The following PDLIM7 variants were observed in gnomAD, a reference collection of about 807,000 sequenced individuals.
PDLIM7 encodes PDZ and LIM domain 7.
Under a neutral mutation model 53.9 loss-of-function variants are expected in PDLIM7, and 37 were observed. The ratio of observed to expected loss-of-function variants is 0.69; its 90% CI spans 0.53 to 0.90. The LOEUF (loss-of-function observed/expected upper bound fraction) is 0.90. Ranked by LOEUF, PDLIM7 falls within the 40% of genes least tolerant of loss-of-function variation. PDLIM7 has a pLI of 0.00. For synonymous variants in PDLIM7, 300 were observed against 261.3 expected (o/e 1.15, Z -1.43); for missense variants, 617 against 638.5 (o/e 0.97, Z 0.36).
At position 177,492,464 on chromosome 5, in the gene PDLIM7, G is replaced by A. The variant is rs371730966; in HGVS notation, c.249-29C>T. On this transcript the variant is annotated intron_variant, in intron 3 of 12. Coordinates refer to ENST00000355841, the MANE Select transcript of PDLIM7 (RefSeq NM_005451.5). ...GAGGAGAAGGAAAGCGTGACAGCGG[G>A]CCGGGCCCGCAGGGATCCCCACTGC... 1.6e-5 allele frequency: 26 copies of A among 1,613,530 alleles called. No homozygotes were observed. The African/African-American group carries it at 2.5e-4, about 16-fold the overall frequency.
Position 177,491,858 on chromosome 5 carries a change from G to C in PDLIM7, c.347C>G (p.Ala116Gly). Residue 116 changes from alanine to glycine, a missense_variant, in exon 5 of 13, where the codon GCC becomes GGC. Physicochemically the swap from Ala to Gly is moderately conservative, Grantham distance 60. Coordinates refer to ENST00000355841, the MANE Select transcript of PDLIM7 (RefSeq NM_005451.5). ...FAPSVSLNKTARPFGAPPPAD... is the reference protein window; with the variant it reads ...FAPSVSLNKTGRPFGAPPPAD... ...GGGCGGGGGCGCCCCAAAGGGCCGGGCCGTCTTGTTGAGGGAGACGCTGGG... is the reference window on the plus strand; with the variant it reads ...GGGCGGGGGCGCCCCAAAGGGCCGGCCCGTCTTGTTGAGGGAGACGCTGGG... 2 of 1,281,142 alleles carry C rather than the reference G, an allele frequency of 1.6e-6. No individual in the cohort carries two copies. Among genetic ancestry groups the C allele is most frequent in the Non-Finnish European group, 2.0e-6 (2 of 1,010,440 alleles). 79.4% of individuals were successfully genotyped at this position (1,281,142 alleles called of 1,614,324 possible). A position where few individuals can be genotyped will look rare whatever the true frequency, so the allele number is the denominator to read the frequency against.
chr5:177,495,513 C>T (rs1759026741), intron 2 of PDLIM7, among the ~76,000 whole-genome samples: 1 of 152,228 alleles, frequency 6.6e-6, no homozygotes, highest in African/African-American at 2.4e-5. Context: ...TGGCCTCACC[C>T]ACTCTGGGCA....
At chr5:177,488,924 G>A (rs1758596431) in intron 9 of PDLIM7, among the ~76,000 whole-genome samples, 2 of 151,816 alleles carry the variant, frequency 1.3e-5, no homozygotes, top group South Asian at 4.1e-4. Context: ...AGAGATGAGA[G>A]CAGGCCAGGC....
chr5:177,496,314 G>T, intron 2 of PDLIM7, 103 bp downstream of exon 2: 1 of 801,582 alleles, frequency 1.2e-6, no homozygotes, highest in Non-Finnish European at 1.9e-6. Context: ...CTCCTGGCCT[G>T]CTGGCCCCTG....
intron 9 of PDLIM7, among the ~76,000 whole-genome samples, chr5:177,488,856 C>T (rs1057029271): frequency 2.0e-5 from 3 of 151,208 alleles, no homozygotes; most frequent in South Asian, 2.1e-4. Context: ...CGCCACTGCA[C>T]GCCAACGTGG....
In PDLIM7 at chr5:177,491,030, T is replaced by C. The variant is rs771303211; in HGVS notation, c.515A>G (p.His172Arg). The change falls in exon 6 of 13, where the codon CAC becomes CGC. Residue 172 changes from histidine (H) to arginine (R), a missense_variant. By Grantham distance (29) the His-to-Arg change is conservative. Coordinates refer to ENST00000355841, the MANE Select transcript of PDLIM7 (RefSeq NM_005451.5). ...GQSRSFRILA[H>R]LTGTEFMQDP... ...CTTACTGAACTCGGTGCCTGTGAGGTGGGCAAGGATGCGGAAGGAACGCGA... is the reference window on the plus strand; with the variant it reads ...CTTACTGAACTCGGTGCCTGTGAGGCGGGCAAGGATGCGGAAGGAACGCGA... 1 of 1,613,178 alleles carries C rather than the reference T, an allele frequency of 6.2e-7. No individual in the cohort carries two copies. The highest frequency in any genetic ancestry group is 1.3e-5 in the African/African-American group (1 of 74,902).
intron 9 of PDLIM7, among the ~76,000 whole-genome samples, chr5:177,488,631 T>C (rs1321066804): frequency 6.6e-6 from 1 of 152,192 alleles, no homozygotes; most frequent in African/African-American, 2.4e-5. Flanking sequence ...CTCACACCTG[T>C]AGTCCCAGCA....
In PDLIM7 at chr5:177,490,335, T is replaced by C. The variant is rs945686719; in HGVS notation, c.573-503A>G. 5.5e-6 allele frequency: 8 copies of C among 1,448,626 alleles called. No homozygotes were observed. The African/African-American group carries it at 7.1e-5, about 13-fold the overall frequency. The allele number at this position is 1,448,626 out of a possible 1,614,324, so 89.7% of individuals were successfully genotyped here. A position where few individuals can be genotyped will look rare whatever the true frequency, so the allele number is the denominator to read the frequency against. On this transcript the variant is annotated intron_variant, in intron 7 of 12. Transcript: ENST00000355841. The stretch of plus-strand genomic sequence containing the variant: ...GGCAAAGAGGGAAGGCAGTGTCAGA[T>C]GAACCCAGGTGGGCGGCCAGGGCCA...
chr5:177,485,483 G>C (rs1758394146), intron 10 of PDLIM7, among the ~76,000 whole-genome samples: 1 of 152,216 alleles, frequency 6.6e-6, no homozygotes, highest in African/African-American at 2.4e-5. Context: ...TCAAGTCTTG[G>C]TTTCTTCCCT....
intron 10 of PDLIM7, among the ~76,000 whole-genome samples, chr5:177,486,370 C>A (rs1236107491): frequency 6.6e-6 from 1 of 152,240 alleles, no homozygotes; most frequent in East Asian, 1.9e-4. Context: ...ATCTACCTTG[C>A]AACCGTGCCG....
intron 10 of PDLIM7, among the ~76,000 whole-genome samples, chr5:177,486,580 G>C (rs112007477): frequency 6.6e-6 from 1 of 151,328 alleles, no homozygotes; most frequent in East Asian, 1.9e-4. Context: ...GGGAGAGGGG[G>C]CTCTACCAGG....
intron 5 of PDLIM7, chr5:177,491,501 A>G: frequency 8.7e-7 from 1 of 1,152,716 alleles, no homozygotes; most frequent in Non-Finnish European, 1.3e-6. Flanking sequence ...GGGAGGGGTC[A>G]GAACAGCCGG....
chr5:177,489,180 C>T (rs1037773811), intron 9 of PDLIM7, among the ~76,000 whole-genome samples: 12 of 152,338 alleles, frequency 7.9e-5, no homozygotes, highest in Admixed American at 2.0e-4. Flanking sequence ...TATTTCGCCA[C>T]GGCAGATGCT....
At chr5:177,486,775 A>G (rs920479275) in intron 10 of PDLIM7, among the ~76,000 whole-genome samples, 2 of 151,408 alleles carry the variant, frequency 1.3e-5, no homozygotes, top group East Asian at 1.9e-4. Flanking sequence ...AGTAGCTGGG[A>G]CTACTCCACC....
At chr5:177,494,434 G>A (rs963422443) in intron 2 of PDLIM7, among the ~76,000 whole-genome samples, 1 of 152,202 alleles carries the variant, frequency 6.6e-6, no homozygotes. Flanking sequence ...CTTACTCAAG[G>A]TCATGGTGAG....
intron 3 of PDLIM7, 27 bp downstream of exon 3, chr5:177,492,499 C>G (rs764381455): frequency 6.2e-7 from 1 of 1,613,632 alleles, no homozygotes; most frequent in Non-Finnish European, 8.5e-7. Flanking sequence ...CCAGCGCGGG[C>G]GCACCCATCC....
At chr5:177,489,320 G>A in intron 9 of PDLIM7, 73 bp downstream of exon 9, 1 of 1,179,092 alleles carries the variant, frequency 8.5e-7, no homozygotes, top group Non-Finnish European at 1.2e-6. Flanking sequence ...GCTGAGGCAA[G>A]ACAGGTGGGC....
At position 177,484,363 on chromosome 5, in the gene PDLIM7, G is replaced by A. The variant is rs145154167; in HGVS notation, c.1051-173C>T. The A allele has an allele frequency of 1.4e-4, 100 of 714,532 alleles. 1 individual carries two copies. In the East Asian group the frequency reaches 2.4e-3, roughly 17 times the overall value. The allele number at this position is 714,532 out of a possible 1,614,324, so 44.3% of individuals were successfully genotyped here. A position where few individuals can be genotyped will look rare whatever the true frequency, so the allele number is the denominator to read the frequency against. On this transcript the variant is annotated intron_variant, in intron 10 of 12. Transcript: ENST00000355841. ...CCAACTCCAAGGTCTCTGAGTGGACGACCACTGCGCCTTCAGACTTGCCAT... is the reference window on the plus strand; with the variant it reads ...CCAACTCCAAGGTCTCTGAGTGGACAACCACTGCGCCTTCAGACTTGCCAT...
At chr5:177,495,710 T>G (rs1465689475) in intron 2 of PDLIM7, among the ~76,000 whole-genome samples, 1 of 152,072 alleles carries the variant, frequency 6.6e-6, no homozygotes, top group African/African-American at 2.4e-5. Flanking sequence ...GCAATCCCCC[T>G]GCTACAGGGA....
Sources: gnomAD v4.1 joint callset for allele counts (sites outside exome capture counted in the v4.1 genomes callset) on GRCh38, gnomAD v4.1.1 for gene constraint, MANE v1.5 for transcripts, NCBI Gene and HGNC (gene_info 2026-07-23, HGNC 2026-07-21) for gene names.